Variants in ZNF697 observed in about 807,000 individuals in gnomAD.
ZNF697 encodes zinc finger protein 697.
ZNF697 carries 23 observed loss-of-function variants against 32.4 expected under a neutral mutation model. That is an observed-to-expected ratio of 0.71 (90% CI 0.51 to 1.01). The LOEUF is 1.01. ZNF697 is among the 50% of genes least tolerant of loss of function. ZNF697 has a pLI of 0.00. For missense variants in ZNF697, 930 were observed against 794.0 expected (o/e 1.17, Z -2.06); for synonymous variants, 418 against 337.2 (o/e 1.24, Z -2.62).
intron 1 of ZNF697, among the ~76,000 whole-genome samples, chr1:119,646,018 T>C (rs1649192248): frequency 6.6e-6 from 1 of 152,082 alleles, no homozygotes; most frequent in Admixed American, 6.5e-5. Context: ...CAAAGAGTTT[T>C]GGTGGGGGAG....
Position 119,622,615 on chromosome 1 carries a change from G to A in ZNF697, c.*90C>T. On this transcript the variant is annotated 3_prime_UTR_variant, in exon 3 of 3. Coordinates refer to ENST00000421812, the MANE Select transcript of ZNF697 (RefSeq NM_001080470.2). ...CAGTCACTCTCAGATTGTCCCTCCCGCCCCTTCCCCACTTCCTTCCCCTGG... is the reference window on the plus strand; with the variant it reads ...CAGTCACTCTCAGATTGTCCCTCCCACCCCTTCCCCACTTCCTTCCCCTGG... 1.5e-6 allele frequency: 2 copies of A among 1,375,622 alleles called. No homozygotes were observed. Among genetic ancestry groups the A allele is most frequent in the South Asian group, 1.5e-5 (1 of 65,514 alleles). 85.2% of individuals were successfully genotyped at this position (1,375,622 alleles called of 1,614,324 possible). A position where few individuals can be genotyped will look rare whatever the true frequency, so the allele number is the denominator to read the frequency against.
chr1:119,640,039 A>AT (rs1241452122), intron 1 of ZNF697, among the ~76,000 whole-genome samples: 1 of 152,090 alleles, frequency 6.6e-6, no homozygotes, highest in Non-Finnish European at 1.5e-5. Context: ...AATTATTATT[A>AT]TTTTTTCACT....
At position 119,622,633 on chromosome 1, in the gene ZNF697, T is replaced by C. The variant is rs2101075888; in HGVS notation, c.*72A>G. 1 of 1,437,480 alleles carries C rather than the reference T, an allele frequency of 7.0e-7. No homozygotes were observed. The highest frequency in any genetic ancestry group is 2.5e-5 in the East Asian group (1 of 39,864). The allele number at this position is 1,437,480 out of a possible 1,614,324, so 89.0% of individuals were successfully genotyped here. On this transcript the variant is annotated 3_prime_UTR_variant, in exon 3 of 3. Transcript: ENST00000421812. ...CCCTCCCGCCCCTTCCCCACTTCCT[T>C]CCCCTGGGTCAGTCCCAGGATATCT... is the stretch of plus-strand genomic sequence containing the variant.
rs764005354 is a variant in ZNF697 at position 119,620,473 on chromosome 1, T to G, written c.*2232A>C. The G allele has an allele frequency of 2.6e-5, 4 of 152,612 alleles. No individual in the cohort carries two copies. The highest frequency in any genetic ancestry group is 5.9e-5 in the Non-Finnish European group (4 of 68,032). 9.5% of individuals were successfully genotyped at this position (152,612 alleles called of 1,614,324 possible). ...ACTTAAAACAGCTGGAAGAGGTAGA[T>G]GTACATGGAAAGAAACCCACAAAGC... On this transcript the variant is annotated 3_prime_UTR_variant, in exon 3 of 3. Coordinates refer to ENST00000421812, the MANE Select transcript of ZNF697 (RefSeq NM_001080470.2).
chr1:119,625,501 C>G (rs1362602299), intron 2 of ZNF697, among the ~76,000 whole-genome samples: 1 of 152,220 alleles, frequency 6.6e-6, no homozygotes, highest in Non-Finnish European at 1.5e-5. Context: ...CCTATTTGCA[C>G]AGTACTGTGC....
intron 1 of ZNF697, among the ~76,000 whole-genome samples, chr1:119,633,750 A>G (rs1648847830): frequency 6.6e-6 from 1 of 152,258 alleles, no homozygotes; most frequent in Non-Finnish European, 1.5e-5. Context: ...CTGTAGCTTA[A>G]AGGTGTAGTC....
At chr1:119,626,167 C>T (rs1026152417) in intron 1 of ZNF697, 30 bp from the exon 2 acceptor site, 32 of 1,600,976 alleles carry the variant, frequency 2.0e-5, no homozygotes, top group African/African-American at 6.7e-5. Context: ...AGAAAGGTCA[C>T]GTCAGTCCGG....
chr1:119,633,504 A>G (rs838987), intron 1 of ZNF697, among the ~76,000 whole-genome samples: 112,163 of 152,022 alleles, frequency 0.74, 41,785 homozygotes, highest in East Asian at 0.92. Flanking sequence ...TGGAGACCCA[A>G]GAGAGCAGAT....
Position 119,622,768 on chromosome 1 carries a change from GC to G in ZNF697, c.1574del (p.Gly525AlafsTer57), listed in dbSNP as rs763657782. ...HTGNKPHKCA[G>X]CGKGFRYKTH... ...TTTTATAGCGGAAGCCTTTGCCGCA[GC>G]CCGCACACTTGTGCGGCTTGTTGCC... On this transcript the variant is annotated frameshift_variant, in exon 3 of 3. Coordinates refer to ENST00000421812, the MANE Select transcript of ZNF697 (RefSeq NM_001080470.2). LOFTEE classifies it high-confidence loss of function. 4.3e-5 allele frequency: 69 copies of G among 1,586,778 alleles called. No homozygotes were observed. Among genetic ancestry groups the G allele is most frequent in the Non-Finnish European group, 5.7e-5 (66 of 1,166,604 alleles).
chr1:119,645,596 G>A (rs139205523), intron 1 of ZNF697, among the ~76,000 whole-genome samples: 1 of 152,294 alleles, frequency 6.6e-6, no homozygotes, highest in Non-Finnish European at 1.5e-5. Context: ...CAAGGACTGG[G>A]GAGCTATTTG....
chr1:119,626,176 G>A lies in ZNF697; in HGVS notation c.-37-39C>T, dbSNP rs188135462. 8,190 of 1,582,778 alleles carry A rather than the reference G, an allele frequency of 5.2e-3. 654 individuals carry two copies. In the Admixed American group the frequency reaches 0.13, roughly 25 times the overall value. On this transcript the variant is annotated intron_variant, in intron 1 of 2. Transcript: ENST00000421812. ...ACACAAAGAAAGGTCACGTCAGTCC[G>A]GTCTCATCCCCTCACCACGCCCAGC... is the stretch of plus-strand genomic sequence containing the variant.
chr1:119,623,522 G>C lies in ZNF697; in HGVS notation c.821C>G (p.Thr274Ser). 3 of 1,563,646 alleles carry C rather than the reference G, an allele frequency of 1.9e-6. No individual in the cohort carries two copies. The highest frequency in any genetic ancestry group is 2.6e-6 in the Non-Finnish European group (3 of 1,156,432). Reference sequence around the variant, plus strand: ...CAGGCGCAGGTGGTTGGTCAGGTAGGTGTTGCGGCTGAAGCCCTTGCCGCA... The same window carrying C: ...CAGGCGCAGGTGGTTGGTCAGGTAGCTGTTGCGGCTGAAGCCCTTGCCGCA... ...GECGKGFSRN[T>S]YLTNHLRLHT... Residue 274 changes from threonine (T) to serine (S), a missense_variant, in exon 3 of 3, where the codon ACC becomes AGC. Transcript: ENST00000421812.
chr1:119,623,800 C>T lies in ZNF697; in HGVS notation c.543G>A (p.Val181=). 6.5e-7 allele frequency: 1 copy of T among 1,547,838 alleles called. No individual in the cohort carries two copies. The highest frequency in any genetic ancestry group is 8.7e-7 in the Non-Finnish European group (1 of 1,146,360). The change falls in exon 3 of 3, where the codon GTG becomes GTA. Residue 181 remains valine (V), a synonymous_variant. Transcript: ENST00000421812. The part of the protein sequence containing the change: ...AVDLGELDSL[V]ASIMDAPTIC... ...TGGTGGGCGCGTCCATGATGCTGGC[C>T]ACCAGGCTATCCAGCTCCCCGAGGT...
intron 1 of ZNF697, among the ~76,000 whole-genome samples, chr1:119,643,229 C>T (rs1386178535): frequency 6.6e-6 from 1 of 152,190 alleles, no homozygotes; most frequent in Admixed American, 6.5e-5. Context: ...AAGGAGAAAT[C>T]TGAAGTATCG....
At position 119,622,156 on chromosome 1, in the gene ZNF697, G is replaced by A. The variant is rs887174353; in HGVS notation, c.*549C>T. 3 of 152,628 alleles carry A rather than the reference G, an allele frequency of 2.0e-5. No individual in the cohort carries two copies. Among genetic ancestry groups the A allele is most frequent in the South Asian group, 2.1e-4 (1 of 4,824 alleles). 9.5% of individuals were successfully genotyped at this position (152,628 alleles called of 1,614,324 possible). ...AAATAGCAGCTAACTGTGGCTCAGAGAAAGGAAAAGTACATTAAATATCCT... is the reference window on the plus strand; with the variant it reads ...AAATAGCAGCTAACTGTGGCTCAGAAAAAGGAAAAGTACATTAAATATCCT... On this transcript the variant is annotated 3_prime_UTR_variant, in exon 3 of 3. Transcript: ENST00000421812.
chr1:119,639,731 A>G lies in ZNF697; in HGVS notation c.-38+7960T>C, dbSNP rs867816067. On this transcript the variant is annotated intron_variant, in intron 1 of 2. Coordinates refer to ENST00000421812, the MANE Select transcript of ZNF697 (RefSeq NM_001080470.2). ...CTGTCTCTCCAAAAAAAAAAAAAAA[A>G]GCCAGAAGTGGTGGCATACACATGT... is the stretch of plus-strand genomic sequence containing the variant. Among the ~76,000 whole-genome samples the G allele has an allele frequency of 1.5e-3, 234 of 151,494 alleles. 1 individual carries two copies. The highest frequency in any genetic ancestry group is 6.8e-3 in the Middle Eastern group (2 of 292).
chr1:119,631,984 C>A (rs1238242781), intron 1 of ZNF697, among the ~76,000 whole-genome samples: 1 of 152,152 alleles, frequency 6.6e-6, no homozygotes, highest in Non-Finnish European at 1.5e-5. Context: ...TTTCAGCCTG[C>A]GGTTCAAAAG....
intron 1 of ZNF697, among the ~76,000 whole-genome samples, chr1:119,631,154 C>A (rs981967384): frequency 6.6e-6 from 1 of 152,238 alleles, no homozygotes; most frequent in Admixed American, 6.5e-5. Flanking sequence ...ACCAAGTCTC[C>A]CAGCCTCTAA....
At chr1:119,644,728 C>T (rs748220226) in intron 1 of ZNF697, among the ~76,000 whole-genome samples, 15 of 152,090 alleles carry the variant, frequency 9.9e-5, no homozygotes, top group South Asian at 8.3e-4. Flanking sequence ...CAATAAGTGG[C>T]GACTATTATT....
Sources: gnomAD v4.1 joint callset for allele counts (sites outside exome capture counted in the v4.1 genomes callset) on GRCh38, gnomAD v4.1.1 for gene constraint, MANE v1.5 for transcripts, NCBI Gene and HGNC (gene_info 2026-07-23, HGNC 2026-07-21) for gene names.